The following PEX7 variants were observed in gnomAD, a reference collection of about 807,000 sequenced individuals.
PEX7 encodes the protein peroxisomal biogenesis factor 7.
In PEX7, 34 loss-of-function variants were observed where a neutral mutation model predicts 47.5. The ratio of observed to expected loss-of-function variants is 0.72; its 90% CI spans 0.54 to 0.95. PEX7 has a LOEUF of 0.95. Among genes scored for constraint, PEX7 ranks in the 40% least tolerant of loss-of-function variants. PEX7 has a pLI of 0.00. For synonymous variants in PEX7, 141 were observed against 148.8 expected, an observed-to-expected ratio of 0.95 and a Z score of 0.38; for missense variants, 394 against 400.3, an observed-to-expected ratio of 0.98 and a Z score of 0.13.
chr6:136,864,870 A>G (rs1775030097), intron 5 of PEX7, among the ~76,000 whole-genome samples: 1 of 152,176 alleles, frequency 6.6e-6, no homozygotes, highest in African/African-American at 2.4e-5. Flanking sequence ...TATGCAGGGT[A>G]TGTATCCTAT....
At chr6:136,906,050 C>A (rs1472465124) in intron 9 of PEX7, among the ~76,000 whole-genome samples, 1 of 152,164 alleles carries the variant, frequency 6.6e-6, no homozygotes, top group African/African-American at 2.4e-5. Context: ...CAATCTCAAA[C>A]CTGGTCTCTA....
chr6:136,848,655 T>A (rs987420818), intron 5 of PEX7, among the ~76,000 whole-genome samples: 3 of 152,184 alleles, frequency 2.0e-5, no homozygotes, highest in Non-Finnish European at 4.4e-5. Flanking sequence ...ATTACATTTA[T>A]TGATTTGTGT....
intron 3 of PEX7, among the ~76,000 whole-genome samples, chr6:136,835,424 G>C (rs1219451880): frequency 6.6e-6 from 1 of 151,876 alleles, no homozygotes; most frequent in African/African-American, 2.4e-5. Context: ...GAGTAGCTCA[G>C]ATTATAGGTG....
At chr6:136,837,268 G>T (rs534635946) in intron 3 of PEX7, among the ~76,000 whole-genome samples, 70 of 146,446 alleles carry the variant, frequency 4.8e-4, no homozygotes, top group Non-Finnish European at 7.9e-4. Context: ...AGGCTGAGGC[G>T]GGAGAATGGC....
At chr6:136,870,720 T>C (rs1474417756) in intron 7 of PEX7, 3 of 361,050 alleles carry the variant, frequency 8.3e-6, no homozygotes, top group Admixed American at 6.6e-5. Context: ...TTTTTTTTTC[T>C]TTTTTTTTGA....
chr6:136,888,931 C>T (rs945819753), intron 8 of PEX7, among the ~76,000 whole-genome samples: 1 of 152,126 alleles, frequency 6.6e-6, no homozygotes, highest in Non-Finnish European at 1.5e-5. Flanking sequence ...TCAGCACTGA[C>T]TGACTAATAG....
At chr6:136,839,681 G>T (rs1774459843) in intron 3 of PEX7, among the ~76,000 whole-genome samples, 1 of 152,180 alleles carries the variant, frequency 6.6e-6, no homozygotes, top group African/African-American at 2.4e-5. Context: ...CGGGGAGGTT[G>T]GGAATAAGGA....
chr6:136,904,337 C>T (rs1775803243), intron 9 of PEX7, among the ~76,000 whole-genome samples: 1 of 152,144 alleles, frequency 6.6e-6, no homozygotes, highest in Non-Finnish European at 1.5e-5. Flanking sequence ...TTTCGCCAAG[C>T]CATAAAACAT....
At chr6:136,860,118 G>C (rs922376606) in intron 5 of PEX7, among the ~76,000 whole-genome samples, 1 of 152,118 alleles carries the variant, frequency 6.6e-6, no homozygotes, top group Admixed American at 6.5e-5. Flanking sequence ...CCATCACAGG[G>C]CCCTGATAAA....
At chr6:136,844,777 A>G (rs947505448) in intron 3 of PEX7, among the ~76,000 whole-genome samples, 1 of 152,152 alleles carries the variant, frequency 6.6e-6, no homozygotes, top group African/African-American at 2.4e-5. Context: ...TCAGCCTCCA[A>G]CATGGCTCAA....
At chr6:136,883,868 A>G (rs1775421763) in intron 8 of PEX7, among the ~76,000 whole-genome samples, 3 of 152,166 alleles carry the variant, frequency 2.0e-5, no homozygotes, top group Admixed American at 2.0e-4. Context: ...ATTGGTAAAC[A>G]TTTTCCCAGT....
intron 8 of PEX7, among the ~76,000 whole-genome samples, chr6:136,874,211 G>A (rs1775228378): frequency 6.6e-6 from 1 of 152,212 alleles, no homozygotes; most frequent in Non-Finnish European, 1.5e-5. Flanking sequence ...TGAATCCTTT[G>A]TAGGATTGCT....
chr6:136,853,882 G>C (rs551741709), intron 5 of PEX7, among the ~76,000 whole-genome samples: 1 of 152,040 alleles, frequency 6.6e-6, no homozygotes, highest in African/African-American at 2.4e-5. Context: ...ACACACTGTC[G>C]ACTTATAAGG....
chr6:136,883,317 T>G (rs751437649), intron 8 of PEX7, among the ~76,000 whole-genome samples: 8 of 152,220 alleles, frequency 5.3e-5, no homozygotes, highest in Non-Finnish European at 1.2e-4. Context: ...AGGTTCTTCC[T>G]AATGGCACAA....
chr6:136,828,747 A>G (rs988300774), intron 3 of PEX7, among the ~76,000 whole-genome samples: 1 of 152,176 alleles, frequency 6.6e-6, no homozygotes, highest in South Asian at 2.1e-4. Context: ...TTTTACCACC[A>G]TAGTCTTGAG....
At chr6:136,854,081 TTTACGGTTA>T (rs1453142939) in intron 5 of PEX7, among the ~76,000 whole-genome samples, 38 of 20,260 alleles carry the variant, frequency 1.9e-3, no homozygotes, top group African/African-American at 6.7e-3. Context: ...ATAGTTAACC[TTTACGGTTA>T]GTAAGGCTGA....
chr6:136,845,362 G>A (rs1774576928), intron 3 of PEX7, among the ~76,000 whole-genome samples: 1 of 152,204 alleles, frequency 6.6e-6, no homozygotes, highest in Non-Finnish European at 1.5e-5. Context: ...TTGTTTTAGT[G>A]AAGAAGGTTT....
intron 5 of PEX7, among the ~76,000 whole-genome samples, chr6:136,860,336 C>T (rs1774936048): frequency 6.6e-6 from 1 of 151,756 alleles, no homozygotes; most frequent in South Asian, 2.1e-4. Flanking sequence ...GAATTCTCAG[C>T]TCCTGCCCAG....
intron 3 of PEX7, among the ~76,000 whole-genome samples, chr6:136,831,864 G>A (rs1387043977): frequency 6.6e-6 from 1 of 152,256 alleles, no homozygotes. Context: ...GCTCTGAAAG[G>A]TGCAGTCCTT....
Sources: allele counts gnomAD v4.1 joint callset (sites outside exome capture counted in the v4.1 genomes callset), GRCh38; gene constraint gnomAD v4.1.1; transcripts MANE v1.5; gene names NCBI Gene and HGNC (gene_info 2026-07-23, HGNC 2026-07-21).